TM4SF4: variants seen among roughly 807,000 people sequenced by gnomAD.
TM4SF4 encodes the protein transmembrane 4 L six family member 4.
In TM4SF4, 24 loss-of-function variants were observed where a neutral mutation model predicts 24.1. The observed-to-expected ratio is 1.00, with a 90% CI of 0.72 to 1.40. The LOEUF is 1.40. Among genes scored for constraint, TM4SF4 ranks in the 40% most tolerant of loss-of-function variants. The probability of loss-of-function intolerance (pLI) is 0.00; values close to 1 mark genes in which losing one functional copy is unlikely to be tolerated. For missense variants in TM4SF4, 254 were observed against 254.2 expected, an observed-to-expected ratio of 1.00 and a Z score of 0.01; for synonymous variants, 113 against 97.0, an observed-to-expected ratio of 1.17 and a Z score of -0.97.
Position 149,498,792 on chromosome 3 carries a change from A to T in TM4SF4, c.472A>T (p.Thr158Ser). 6.2e-7 allele frequency: 1 copy of T among 1,613,828 alleles called. No homozygotes were observed. The change falls in exon 4 of 5, where the codon ACC becomes TCC. Residue 158 changes from threonine to serine, a missense_variant. Physicochemically the swap from Thr to Ser is moderately conservative, Grantham distance 58 (BLOSUM62 1). Transcript: ENST00000305354. ...EPLNVVPWNL[T>S]LFSILLVVGG... is the part of the protein sequence containing the mutation. ...TCTCAATGTGGTTCCCTGGAATCTG[A>T]CCCTCTTCTCCATCCTGCTGGTCGT...
At chr3:149,478,298 A>T (rs1159644818) in intron 2 of TM4SF4, among the ~76,000 whole-genome samples, 2 of 152,120 alleles carry the variant, frequency 1.3e-5, no homozygotes, top group Non-Finnish European at 2.9e-5. Context: ...GCCATGTGCC[A>T]CCATGCCCAG....
chr3:149,489,323 G>A (rs1227064369), intron 3 of TM4SF4, among the ~76,000 whole-genome samples: 1 of 152,172 alleles, frequency 6.6e-6, no homozygotes, highest in Non-Finnish European at 1.5e-5. Flanking sequence ...TCTTCAAGGA[G>A]CCCTCTATTA....
chr3:149,477,466 G>A (rs965035855), intron 2 of TM4SF4, among the ~76,000 whole-genome samples: 2 of 152,178 alleles, frequency 1.3e-5, no homozygotes, highest in Admixed American at 6.5e-5. Flanking sequence ...TAAAGGGAAA[G>A]GTGCATCTAT....
At chr3:149,494,342 T>G (rs1170119381) in intron 3 of TM4SF4, among the ~76,000 whole-genome samples, 1 of 152,184 alleles carries the variant, frequency 6.6e-6, no homozygotes, top group Non-Finnish European at 1.5e-5. Flanking sequence ...ACGTTCGCCG[T>G]AAACGTTTCA....
At position 149,474,865 on chromosome 3, in the gene TM4SF4, G is replaced by T; in HGVS notation, c.-13G>T. ...GAGCTTTTGATTGCTGACCTGTGTC[G>T]TACCACCCCAGAATGTGCACTGGGG... On this transcript the variant is annotated 5_prime_UTR_variant, in exon 1 of 5. Transcript: ENST00000305354. 1 of 1,607,624 alleles carries T rather than the reference G, an allele frequency of 6.2e-7. No homozygotes were observed. Among genetic ancestry groups the T allele is most frequent in the South Asian group, 1.1e-5 (1 of 90,436 alleles).
rs1734454105 is a variant in TM4SF4, at chr3:149,502,874, T to C, written c.*181T>C. ...GAGTTAGAATTTTGTTATTTTCAAA[T>C]AAAAAATAGTTTGGCCACTTAACAA... is the stretch of plus-strand genomic sequence containing the variant. On this transcript the variant is annotated 3_prime_UTR_variant, in exon 5 of 5. Transcript: ENST00000305354. 4.1e-6 allele frequency: 2 copies of C among 482,230 alleles called. No individual in the cohort carries two copies. Among genetic ancestry groups the C allele is most frequent in the African/African-American group, 3.9e-5 (2 of 50,668 alleles). The allele number at this position is 482,230 out of a possible 1,614,324, so 29.9% of individuals were successfully genotyped here.
At chr3:149,496,174 AT>A (rs113494918) in intron 3 of TM4SF4, among the ~76,000 whole-genome samples, 76 of 148,220 alleles carry the variant, frequency 5.1e-4, no homozygotes, top group South Asian at 1.1e-3. Context: ...ACCATTTGGG[AT>A]TTTTTTTTTT....
chr3:149,498,438 T>C (rs928685864), intron 3 of TM4SF4, among the ~76,000 whole-genome samples: 1 of 152,210 alleles, frequency 6.6e-6, no homozygotes, highest in African/African-American at 2.4e-5. Context: ...TCTCTGTGCC[T>C]CTGCTTCCTT....
chr3:149,484,629 G>A (rs1734087058), intron 2 of TM4SF4, among the ~76,000 whole-genome samples: 1 of 149,492 alleles, frequency 6.7e-6, no homozygotes, highest in South Asian at 2.1e-4. Flanking sequence ...TCAGCTCACT[G>A]CCACCTCCGC....
chr3:149,479,283 CT>C lies in TM4SF4; in HGVS notation c.264+3372del, dbSNP rs1444255160. 2.6e-5 allele frequency among the ~76,000 whole-genome samples: 4 copies of C among 152,138 alleles called. No individual in the cohort carries two copies. In the East Asian group the frequency reaches 7.7e-4, roughly 29 times the overall value. ...CCTAAGACCATTGAGCTCATGCCCC[CT>C]GCTTCAGACTCTTGTTTGCTTAATG... On this transcript the variant is annotated intron_variant, in intron 2 of 4. Coordinates refer to ENST00000305354, the MANE Select transcript of TM4SF4 (RefSeq NM_004617.4).
At position 149,474,856 on chromosome 3, in the gene TM4SF4, A is replaced by G. The variant is rs765098793; in HGVS notation, c.-22A>G. 5 of 1,597,934 alleles carry G rather than the reference A, an allele frequency of 3.1e-6. No individual in the cohort carries two copies. The highest frequency in any genetic ancestry group is 4.3e-6 in the Non-Finnish European group (5 of 1,173,236). ...GGCAGTGAGGAGCTTTTGATTGCTG[A>G]CCTGTGTCGTACCACCCCAGAATGT... is the stretch of plus-strand genomic sequence containing the variant. On this transcript the variant is annotated 5_prime_UTR_variant, in exon 1 of 5. Coordinates refer to ENST00000305354, the MANE Select transcript of TM4SF4 (RefSeq NM_004617.4).
rs1733900607 is a variant in TM4SF4, at chr3:149,475,000, C to T, written c.123C>T (p.His41=). The change falls in exon 1 of 5, where the codon CAC becomes CAT. Residue 41 remains histidine (H), a synonymous_variant. Transcript: ENST00000305354. The part of the protein sequence containing the change: ...PGGKVIDDND[H]LSQEIWFFGG... ...GAAAAGTGATAGATGACAACGACCA[C>T]CTTTCCCAAGAGATCTGGTTTTTCG... The T allele has an allele frequency of 1.2e-6, 2 of 1,613,842 alleles. No homozygotes were observed. The highest frequency in any genetic ancestry group is 4.5e-5 in the East Asian group (2 of 44,872).
At chr3:149,480,540 T>C (rs1407662260) in intron 2 of TM4SF4, among the ~76,000 whole-genome samples, 1 of 152,146 alleles carries the variant, frequency 6.6e-6, no homozygotes, top group Non-Finnish European at 1.5e-5. Flanking sequence ...CAGGTCCTAA[T>C]GCGGTCTGTG....
Position 149,474,998 on chromosome 3 carries a change from C to T in TM4SF4, c.121C>T (p.His41Tyr), listed in dbSNP as rs1443531439. Residue 41 changes from histidine to tyrosine, a missense_variant, in exon 1 of 5, where the codon CAC becomes TAC. Coordinates refer to ENST00000305354, the MANE Select transcript of TM4SF4 (RefSeq NM_004617.4). ...AGGAAAAGTGATAGATGACAACGAC[C>T]ACCTTTCCCAAGAGATCTGGTTTTT... ...PGGKVIDDND[H>Y]LSQEIWFFGG... is the part of the protein sequence containing the mutation. 1.2e-6 allele frequency: 2 copies of T among 1,613,716 alleles called. No homozygotes were observed. The highest frequency in any genetic ancestry group is 1.7e-5 in the Admixed American group (1 of 59,978).
chr3:149,495,082 C>A, intron 3 of TM4SF4: 1 of 256,838 alleles, frequency 3.9e-6, no homozygotes, highest in Non-Finnish European at 7.8e-6. Flanking sequence ...GATGAAACAA[C>A]CAATTGTTGG....
chr3:149,488,517 G>A (rs1044138395), intron 3 of TM4SF4, among the ~76,000 whole-genome samples: 7 of 152,184 alleles, frequency 4.6e-5, no homozygotes, highest in South Asian at 2.1e-4. Flanking sequence ...TGACCAGGAC[G>A]GCACTGTTCA....
chr3:149,483,524 GA>G (rs200330861), intron 2 of TM4SF4, among the ~76,000 whole-genome samples: 18,887 of 136,360 alleles, frequency 0.14, 1,411 homozygotes, highest in East Asian at 0.22. Flanking sequence ...GGAGTCACAG[GA>G]AAAAAAAAAA....
chr3:149,500,983 C>G (rs1217832976), intron 4 of TM4SF4, among the ~76,000 whole-genome samples: 2 of 149,926 alleles, frequency 1.3e-5, no homozygotes, highest in African/African-American at 4.9e-5. Context: ...GAGATCTTGC[C>G]CCTGCACTGC....
At chr3:149,497,675 G>A (rs1049716496) in intron 3 of TM4SF4, among the ~76,000 whole-genome samples, 27 of 151,824 alleles carry the variant, frequency 1.8e-4, no homozygotes, top group Non-Finnish European at 3.2e-4. Context: ...ATGGAGTTTC[G>A]TTCTTGTTGC....
Sources: gnomAD v4.1 joint callset for allele counts (sites outside exome capture counted in the v4.1 genomes callset) on GRCh38, gnomAD v4.1.1 for gene constraint, MANE v1.5 for transcripts, NCBI Gene and HGNC (gene_info 2026-07-23, HGNC 2026-07-21) for gene names.